Variants in MBOAT1 observed in about 807,000 individuals in gnomAD.
MBOAT1 encodes the protein membrane bound glycerophospholipid O-acyltransferase 1.
In MBOAT1, 67 loss-of-function variants were observed where a neutral mutation model predicts 64.4. The observed-to-expected ratio is 1.04, with a 90% CI of 0.85 to 1.27. MBOAT1 has a LOEUF of 1.27. Among genes scored for constraint, MBOAT1 ranks in the 50% most tolerant of loss-of-function variants. The probability of loss-of-function intolerance (pLI) is 0.00; values close to 1 mark genes in which losing one functional copy is unlikely to be tolerated. For missense variants in MBOAT1, 563 were observed against 604.6 expected (o/e 0.93, Z 0.72); for synonymous variants, 229 against 218.9 (o/e 1.05, Z -0.41).
In MBOAT1 at chr6:20,187,111, G is replaced by T. The variant is rs534593475; in HGVS notation, c.99+25025C>A. On this transcript the variant is annotated intron_variant, in intron 1 of 12. Coordinates refer to ENST00000324607, the MANE Select transcript of MBOAT1 (RefSeq NM_001080480.3). ...AGACATGAGACAGGATTCCTAAACT[G>T]CCTGGAATGTTTAAACGCCGACCAA... Among the ~76,000 whole-genome samples the T allele has an allele frequency of 7.3e-4, 111 of 152,290 alleles. 1 individual carries two copies. The highest frequency in any genetic ancestry group is 9.1e-4 in the Non-Finnish European group (62 of 68,024).
intron 1 of MBOAT1, among the ~76,000 whole-genome samples, chr6:20,201,742 G>A (rs542229231): frequency 2.6e-5 from 4 of 151,778 alleles, no homozygotes; most frequent in African/African-American, 9.7e-5. Context: ...CACCACACCC[G>A]GCTAATTTTT....
At chr6:20,146,380 G>A (rs1437237079) in intron 3 of MBOAT1, among the ~76,000 whole-genome samples, 1 of 152,308 alleles carries the variant, frequency 6.6e-6, no homozygotes, top group East Asian at 1.9e-4. Flanking sequence ...TAACTTTTAT[G>A]TGCTCTTTAC....
chr6:20,152,258 C>T (rs187695679), intron 2 of MBOAT1, among the ~76,000 whole-genome samples: 2 of 151,482 alleles, frequency 1.3e-5, no homozygotes, highest in Non-Finnish European at 2.9e-5. Context: ...ACCCAGGAGG[C>T]GGAGGTCGCA....
At chr6:20,137,276 C>G (rs575848925) in intron 4 of MBOAT1, among the ~76,000 whole-genome samples, 1 of 152,130 alleles carries the variant, frequency 6.6e-6, no homozygotes, top group Non-Finnish European at 1.5e-5. Flanking sequence ...AACCTGCAAT[C>G]GTGATGGGAG....
At chr6:20,104,548 A>G (rs1581390607) in intron 12 of MBOAT1, among the ~76,000 whole-genome samples, 2 of 152,386 alleles carry the variant, frequency 1.3e-5, no homozygotes, top group South Asian at 4.1e-4. Flanking sequence ...CAATACCTGC[A>G]AGTAATTAGA....
At chr6:20,120,236 T>C (rs1274185215) in intron 8 of MBOAT1, among the ~76,000 whole-genome samples, 1 of 151,988 alleles carries the variant, frequency 6.6e-6, no homozygotes, top group African/African-American at 2.4e-5. Context: ...GAGCATAAAA[T>C]GGATATAATA....
intron 1 of MBOAT1, among the ~76,000 whole-genome samples, chr6:20,164,973 T>A (rs1383341691): frequency 2.6e-5 from 4 of 152,190 alleles, no homozygotes; most frequent in African/African-American, 9.7e-5. Flanking sequence ...CTACCTGTAG[T>A]GTTCTGAGCA....
intron 1 of MBOAT1, among the ~76,000 whole-genome samples, chr6:20,163,931 G>A (rs1158701076): frequency 5.3e-5 from 8 of 152,100 alleles, no homozygotes; most frequent in East Asian, 1.9e-4. Context: ...GAGGTGGAAT[G>A]TTAGGGGGTG....
intron 12 of MBOAT1, among the ~76,000 whole-genome samples, chr6:20,109,111 C>T (rs751130648): frequency 2.6e-5 from 4 of 152,208 alleles, no homozygotes; most frequent in East Asian, 1.9e-4. Flanking sequence ...CCCTCCAACA[C>T]GTGCAACTGG....
At position 20,102,202 on chromosome 6, in the gene MBOAT1, A is replaced by G; in HGVS notation, c.*84T>C. ...AAGATGCATGTAAACATCGCCTCTA[A>G]GCCACCGGAGGAGCCCTTGAAGCCT... is the stretch of plus-strand genomic sequence containing the variant. On this transcript the variant is annotated 3_prime_UTR_variant, in exon 13 of 13. Coordinates refer to ENST00000324607, the MANE Select transcript of MBOAT1 (RefSeq NM_001080480.3). 2 of 1,416,470 alleles carry G rather than the reference A, an allele frequency of 1.4e-6. No homozygotes were observed. Among genetic ancestry groups the G allele is most frequent in the Non-Finnish European group, 1.9e-6 (2 of 1,044,398 alleles). The allele number at this position is 1,416,470 out of a possible 1,614,324, so 87.7% of individuals were successfully genotyped here.
intron 3 of MBOAT1, among the ~76,000 whole-genome samples, chr6:20,149,917 G>A (rs1054853893): frequency 3.3e-5 from 5 of 152,084 alleles, no homozygotes; most frequent in Non-Finnish European, 5.9e-5. Context: ...AGCCATAAAA[G>A]GACAAATATC....
At chr6:20,173,021 T>C (rs978834580) in intron 1 of MBOAT1, among the ~76,000 whole-genome samples, 2 of 152,200 alleles carry the variant, frequency 1.3e-5, no homozygotes, top group Admixed American at 1.3e-4. Context: ...TCTGGTTGTT[T>C]GGAAGTGTTT....
At chr6:20,150,423 T>C (rs1761456054) in intron 3 of MBOAT1, among the ~76,000 whole-genome samples, 1 of 152,174 alleles carries the variant, frequency 6.6e-6, no homozygotes, top group Non-Finnish European at 1.5e-5. Context: ...CCAGTTAACT[T>C]GTGAGCTTTT....
chr6:20,207,837 C>T (rs1194476115), intron 1 of MBOAT1, among the ~76,000 whole-genome samples: 1 of 152,238 alleles, frequency 6.6e-6, no homozygotes, highest in Non-Finnish European at 1.5e-5. Flanking sequence ...GCACCATCTA[C>T]AAACCTGTGC....
At chr6:20,193,699 CGAGTTCAA>C (rs1044969007) in intron 1 of MBOAT1, among the ~76,000 whole-genome samples, 2 of 151,412 alleles carry the variant, frequency 1.3e-5, no homozygotes, top group African/African-American at 4.9e-5. Flanking sequence ...CTCTGCCTCC[CGAGTTCAA>C]GAGATTCTCC....
chr6:20,201,297 C>T (rs1256774600), intron 1 of MBOAT1, among the ~76,000 whole-genome samples: 1 of 145,416 alleles, frequency 6.9e-6, no homozygotes, highest in East Asian at 2.2e-4. Flanking sequence ...TATATACAGA[C>T]ATGAATCAAT....
At position 20,188,976 on chromosome 6, in the gene MBOAT1, AT is replaced by A. The variant is rs1207677978; in HGVS notation, c.99+23159del. 3.3e-5 allele frequency among the ~76,000 whole-genome samples: 5 copies of A among 152,218 alleles called. No homozygotes were observed. In the East Asian group the frequency reaches 9.7e-4, roughly 29 times the overall value. ...CCACCTCTCAGTTCCTGAGGGGTAG[AT>A]TCCTTCTTTATATTCCCTCAGAGTC... is the stretch of plus-strand genomic sequence containing the variant. On this transcript the variant is annotated intron_variant, in intron 1 of 12. Transcript: ENST00000324607.
At chr6:20,191,579 T>C (rs1321615537) in intron 1 of MBOAT1, among the ~76,000 whole-genome samples, 10 of 152,172 alleles carry the variant, frequency 6.6e-5, no homozygotes, top group Non-Finnish European at 1.3e-4. Context: ...AAGTTATGAC[T>C]TGACCAGCAC....
At chr6:20,168,599 G>GAGAGAAGAGA (rs149730371) in intron 1 of MBOAT1, among the ~76,000 whole-genome samples, 2,380 of 84,660 alleles carry the variant, frequency 0.028, 61 homozygotes, top group African/African-American at 0.049. Flanking sequence ...GGGAGAGAAA[G>GAGAGAAGAGA]AGAGAAGAGA....
Sources: gnomAD v4.1 joint callset for allele counts (sites outside exome capture counted in the v4.1 genomes callset) on GRCh38, gnomAD v4.1.1 for gene constraint, MANE v1.5 for transcripts, NCBI Gene and HGNC (gene_info 2026-07-23, HGNC 2026-07-21) for gene names.